Variants in ZNF786 observed in about 807,000 individuals in gnomAD.
ZNF786 encodes the protein zinc finger protein 786.
Under a neutral mutation model 63.1 loss-of-function variants are expected in ZNF786, and 56 were observed. The observed-to-expected ratio is 0.89, with a 90% CI of 0.72 to 1.11. The LOEUF (loss-of-function observed/expected upper bound fraction) is 1.11. Ranked by LOEUF, ZNF786 falls within the 50% of genes least tolerant of loss-of-function variation. ZNF786 has a pLI of 0.00. For missense variants in ZNF786, 1,213 were observed against 1,041.8 expected, an observed-to-expected ratio of 1.16 and a Z score of -2.26; for synonymous variants, 485 against 406.9, an observed-to-expected ratio of 1.19 and a Z score of -2.31.
chr7:149,088,554 A>G (rs540738957), intron 1 of ZNF786, among the ~76,000 whole-genome samples: 28 of 152,348 alleles, frequency 1.8e-4, no homozygotes, highest in Admixed American at 5.9e-4. Context: ...AAAGATACTC[A>G]TTCTCTCCTC....
chr7:149,070,415 A>G lies in ZNF786; in HGVS notation c.*8T>C. On this transcript the variant is annotated 3_prime_UTR_variant, in exon 4 of 4. Transcript: ENST00000491431. ...TCCTGCTCAACGCTTTGGATGTCCC[A>G]CTCTGCCTCAACTCCAATCGGCCTC... 1 of 1,610,314 alleles carries G rather than the reference A, an allele frequency of 6.2e-7. No individual in the cohort carries two copies. The highest frequency in any genetic ancestry group is 8.5e-7 in the Non-Finnish European group (1 of 1,177,236).
intron 1 of ZNF786, among the ~76,000 whole-genome samples, chr7:149,088,385 C>A (rs991816974): frequency 6.6e-6 from 1 of 152,206 alleles, no homozygotes; most frequent in Non-Finnish European, 1.5e-5. Context: ...CTTTTAGGTT[C>A]TTTCAACACA....
intron 1 of ZNF786, among the ~76,000 whole-genome samples, chr7:149,083,770 C>A (rs1585469902): frequency 1.3e-5 from 2 of 152,274 alleles, no homozygotes; most frequent in East Asian, 3.9e-4. Flanking sequence ...GTTTAGCTCG[C>A]CCTTATAAGT....
intron 2 of ZNF786, among the ~76,000 whole-genome samples, chr7:149,079,371 T>C (rs1002145950): frequency 1.3e-5 from 2 of 150,964 alleles, no homozygotes. Flanking sequence ...ATCCCGCCGC[T>C]GCACTCCAGC....
At position 149,072,195 on chromosome 7, in the gene ZNF786, C is replaced by T. The variant is rs774438128; in HGVS notation, c.577G>A (p.Gly193Arg). 5.3e-5 allele frequency: 86 copies of T among 1,613,328 alleles called. No individual in the cohort carries two copies. The highest frequency in any genetic ancestry group is 6.9e-5 in the Non-Finnish European group (81 of 1,179,770). The change falls in exon 4 of 4, where the codon GGG becomes AGG. Residue 193 changes from glycine (G) to arginine (R), a missense_variant. Physicochemically the swap from Gly to Arg is moderately radical, Grantham distance 125. Transcript: ENST00000491431. The part of the protein sequence containing the change: ...ESTQHPWPVC[G>R]ESCWENNHLV... ...TGGTTGTTCTCCCAACAGCTTTCCC[C>T]GCAGACAGGCCAAGGGTGCTGGGTG...
intron 1 of ZNF786, among the ~76,000 whole-genome samples, chr7:149,086,164 C>T (rs1397923707): frequency 6.6e-6 from 1 of 152,232 alleles, no homozygotes; most frequent in Admixed American, 6.5e-5. Flanking sequence ...AAAACTCTGA[C>T]TCCTTTAAAT....
chr7:149,080,610 A>C lies in ZNF786; in HGVS notation c.126T>G (p.Tyr42Ter). ...TCTTACCTAGAGAGACGAGAGTCTC[A>C]TAATTGCTTCTCATCACATGCTTGT... Reference protein sequence around the residue: ...ELYKHVMRSNYETLVSLDDGL... With the variant: ...ELYKHVMRSN The change falls in exon 2 of 4, where the codon TAT becomes TAG. Residue 42 changes from tyrosine (Y) to a stop codon, truncating the protein, a stop_gained. Coordinates refer to ENST00000491431, the MANE Select transcript of ZNF786 (RefSeq NM_152411.4). LOFTEE classifies it high-confidence loss of function. 6.2e-7 allele frequency: 1 copy of C among 1,611,586 alleles called. No individual in the cohort carries two copies. Among genetic ancestry groups the C allele is most frequent in the Non-Finnish European group, 8.5e-7 (1 of 1,179,288 alleles).
At chr7:149,080,430 CA>C (rs1825630597) in intron 2 of ZNF786, among the ~76,000 whole-genome samples, 160 bp downstream of exon 2, 1 of 152,124 alleles carries the variant, frequency 6.6e-6, no homozygotes, top group African/African-American at 2.4e-5. Context: ...TAAAGATTAA[CA>C]ATGTTGACAA....
rs760464883 is a variant in ZNF786 at position 149,071,418 on chromosome 7, G to C, written c.1354C>G (p.Pro452Ala). Reference sequence around the variant, plus strand: ...CTGCCACACTTGGCACACCGGAAAGGCTTCTCTCCGCTGTGGACTCGAATG... The same window carrying C: ...CTGCCACACTTGGCACACCGGAAAGCCTTCTCTCCGCTGTGGACTCGAATG... Reference protein sequence around the residue: ...EHIRVHSGEKPFRCAKCGRNF... With the variant: ...EHIRVHSGEKAFRCAKCGRNF... Residue 452 changes from proline (P) to alanine (A), a missense_variant, in exon 4 of 4, where the codon CCT (proline) becomes GCT (alanine). Pro to Ala is a conservative substitution (Grantham distance 27). Transcript: ENST00000491431. The C allele has an allele frequency of 1.9e-5, 31 of 1,612,940 alleles. No homozygotes were observed. The highest frequency in any genetic ancestry group is 2.6e-5 in the Non-Finnish European group (31 of 1,179,734).
chr7:149,074,784 T>C (rs988833432), intron 2 of ZNF786, among the ~76,000 whole-genome samples: 5 of 151,874 alleles, frequency 3.3e-5, no homozygotes, highest in Non-Finnish European at 5.9e-5. Flanking sequence ...TTAGCAATGC[T>C]GTATTTTGTC....
rs60194366 is a variant in ZNF786, at chr7:149,084,351, CA to C, written c.19-3635del. 3.3e-3 allele frequency among the ~76,000 whole-genome samples: 206 copies of C among 62,318 alleles called. 1 individual carries two copies. The highest frequency in any genetic ancestry group is 0.011 in the Middle Eastern group (1 of 92). 40.9% of individuals were successfully genotyped at this position (62,318 alleles called of 152,430 possible). A position where few individuals can be genotyped will look rare whatever the true frequency, so the allele number is the denominator to read the frequency against. On this transcript the variant is annotated intron_variant, in intron 1 of 3. Transcript: ENST00000491431. ...TGGACAACAGAGCAAAACTGCATCC[CA>C]AAAAAAAAAAAAAAAAAAAAAGTTA...
Position 149,071,820 on chromosome 7 carries a change from G to A in ZNF786, c.952C>T (p.His318Tyr). ...CAAGAGGCCGGCCCCTCCCGGCTGT[G>A]CTGGCACCGGCGAGCCTGCGTGCTG... Reference protein sequence around the residue: ...VDSTQARRCQHSREGPASWRE... With the variant: ...VDSTQARRCQYSREGPASWRE... Residue 318 changes from histidine (H) to tyrosine (Y), a missense_variant, in exon 4 of 4, where the codon CAC (histidine) becomes TAC (tyrosine). Coordinates refer to ENST00000491431, the MANE Select transcript of ZNF786 (RefSeq NM_152411.4). The A allele has an allele frequency of 3.8e-6, 6 of 1,589,976 alleles. No individual in the cohort carries two copies. The highest frequency in any genetic ancestry group is 1.1e-5 in the South Asian group (1 of 90,212).
In ZNF786 at chr7:149,083,786, C is replaced by T. The variant is rs144061856; in HGVS notation, c.19-3069G>A. 8.1e-4 allele frequency among the ~76,000 whole-genome samples: 124 copies of T among 152,298 alleles called. 1 individual carries two copies. In the East Asian group the frequency reaches 0.018, roughly 22 times the overall value. ...TTTAGCTCGCCCTTATAAGTGAGAA[C>T]GGCACTTTGTTTTCTACTCCTGTGT... On this transcript the variant is annotated intron_variant, in intron 1 of 3. Coordinates refer to ENST00000491431, the MANE Select transcript of ZNF786 (RefSeq NM_152411.4).
In ZNF786 at chr7:149,070,905, A is replaced by G. The variant is rs758838611; in HGVS notation, c.1867T>C (p.Cys623Arg). 2 of 1,613,574 alleles carry G rather than the reference A, an allele frequency of 1.2e-6. No individual in the cohort carries two copies. The highest frequency in any genetic ancestry group is 2.7e-5 in the African/African-American group (2 of 74,942). Residue 623 changes from cysteine (C) to arginine (R), a missense_variant, in exon 4 of 4, where the codon TGT becomes CGT. Cys to Arg is a radical substitution (Grantham distance 180). Transcript: ENST00000491431. Reference protein sequence around the residue: ...RLHTGERPFQCPECDKRYRVK... With the variant: ...RLHTGERPFQRPECDKRYRVK... ...CGATAGCGCTTGTCGCACTCCGGAC[A>G]CTGGAAGGGCCTCTCTCCCGTGTGC...
rs769977047 is a variant in ZNF786 at position 149,071,858 on chromosome 7, G to C, written c.914C>G (p.Ser305Cys). Residue 305 changes from serine to cysteine, a missense_variant, in exon 4 of 4, where the codon TCC becomes TGC. By Grantham distance (112) the Ser-to-Cys change is moderately radical. Coordinates refer to ENST00000491431, the MANE Select transcript of ZNF786 (RefSeq NM_152411.4). ...PAQCTPCGKR[S>C]LPVDSTQARR... Reference sequence around the variant, plus strand: ...AGCCTGCGTGCTGTCCACTGGGAGGGAGCGCTTGCCGCATGGGGTGCACTG... The same window carrying C: ...AGCCTGCGTGCTGTCCACTGGGAGGCAGCGCTTGCCGCATGGGGTGCACTG... 96 of 1,598,566 alleles carry C rather than the reference G, an allele frequency of 6.0e-5. 2 individuals carry two copies. The South Asian group carries it at 9.2e-4, about 15-fold the overall frequency.
At chr7:149,077,867 C>CTT (rs373659985) in intron 2 of ZNF786, among the ~76,000 whole-genome samples, 27 of 139,598 alleles carry the variant, frequency 1.9e-4, no homozygotes, top group South Asian at 4.7e-4. Context: ...ATAATTTTGT[C>CTT]TTTTTTTTTT....
At chr7:149,072,551 A>C (rs575186609) in intron 3 of ZNF786, 78 bp from the exon 4 acceptor site, 1 of 1,447,206 alleles carries the variant, frequency 6.9e-7, no homozygotes, top group East Asian at 2.4e-5. Flanking sequence ...AGTGACCCAC[A>C]AGAGTGCCTT....
intron 1 of ZNF786, among the ~76,000 whole-genome samples, chr7:149,086,035 A>G (rs1228946753): frequency 3.9e-5 from 6 of 152,182 alleles, no homozygotes; most frequent in Admixed American, 3.3e-4. Context: ...AAACAGGGAT[A>G]GTTTGACTTC....
intron 1 of ZNF786, among the ~76,000 whole-genome samples, chr7:149,090,183 T>A (rs1465422927): frequency 2.0e-5 from 3 of 152,230 alleles, no homozygotes; most frequent in Non-Finnish European, 4.4e-5. Context: ...CAATAAATTC[T>A]GACATTGAAG....
Sources: allele counts gnomAD v4.1 joint callset (sites outside exome capture counted in the v4.1 genomes callset), GRCh38; gene constraint gnomAD v4.1.1; transcripts MANE v1.5; gene names NCBI Gene and HGNC (gene_info 2026-07-23, HGNC 2026-07-21).